The following GRIK2 variants were observed in gnomAD, a reference collection of about 807,000 sequenced individuals.
GRIK2 encodes glutamate ionotropic receptor kainate type subunit 2, also known as glutamate receptor ionotropic, kainate 2.
Under a neutral mutation model 100.3 loss-of-function variants are expected in GRIK2, and 32 were observed. The observed-to-expected ratio is 0.32, with a 90% CI of 0.24 to 0.43. The LOEUF (loss-of-function observed/expected upper bound fraction) is 0.43, where lower values mean the gene tolerates loss of function less well. Among genes scored for constraint, GRIK2 ranks in the 20% least tolerant of loss-of-function variants. The probability of loss-of-function intolerance (pLI) is 1.00; values close to 1 mark genes in which losing one functional copy is unlikely to be tolerated. For synonymous variants in GRIK2, 417 were observed against 389.4 expected (o/e 1.07, Z -0.83); for missense variants, 843 against 1,114.9 (o/e 0.76, Z 3.47).
At chr6:101,873,107 A>G (rs1270371391) in intron 11 of GRIK2, among the ~76,000 whole-genome samples, 1 of 151,674 alleles carries the variant, frequency 6.6e-6, no homozygotes, top group Non-Finnish European at 1.5e-5. Flanking sequence ...AATTTTTTTT[A>G]AATTATACAT....
chr6:101,934,999 A>T (rs1790528824), intron 14 of GRIK2, among the ~76,000 whole-genome samples: 1 of 151,962 alleles, frequency 6.6e-6, no homozygotes, highest in African/African-American at 2.4e-5. Flanking sequence ...TTATTCTTTA[A>T]ATGTTTTTCA....
chr6:101,497,432 GA>G (rs1196747107), intron 2 of GRIK2, among the ~76,000 whole-genome samples: 1 of 152,072 alleles, frequency 6.6e-6, no homozygotes, highest in Non-Finnish European at 1.5e-5. Flanking sequence ...GAATGAGTCA[GA>G]AATATATACA....
At chr6:101,687,770 T>C (rs1771800970) in intron 7 of GRIK2, among the ~76,000 whole-genome samples, 1 of 151,812 alleles carries the variant, frequency 6.6e-6, no homozygotes, top group Non-Finnish European at 1.5e-5. Context: ...TTGTACTTCG[T>C]TGCATAAAGA....
chr6:101,536,508 C>A (rs779600621), intron 2 of GRIK2, among the ~76,000 whole-genome samples: 20 of 151,720 alleles, frequency 1.3e-4, no homozygotes, highest in Non-Finnish European at 2.5e-4. Context: ...ACAAGGATTA[C>A]ATTTCTTTGA....
At chr6:101,988,150 C>G (rs1185379434) in intron 14 of GRIK2, among the ~76,000 whole-genome samples, 1 of 8,414 alleles carries the variant, frequency 1.2e-4, no homozygotes, top group Non-Finnish European at 3.0e-4. Flanking sequence ...CGCGCGCGCG[C>G]GCGCGTGCGC....
intron 2 of GRIK2, among the ~76,000 whole-genome samples, chr6:101,401,455 T>C (rs1775302117): frequency 6.6e-6 from 1 of 152,112 alleles, no homozygotes; most frequent in Non-Finnish European, 1.5e-5. Flanking sequence ...AAAAATGTCT[T>C]TAAGAAATAC....
At chr6:101,836,887 A>G (rs898167466) in intron 10 of GRIK2, among the ~76,000 whole-genome samples, 36 of 151,800 alleles carry the variant, frequency 2.4e-4, no homozygotes, top group African/African-American at 8.5e-4. Context: ...GCTGGTCTTG[A>G]ACTCCTGACC....
intron 14 of GRIK2, among the ~76,000 whole-genome samples, chr6:102,019,440 T>A (rs903671683): frequency 3.9e-5 from 6 of 152,014 alleles, no homozygotes; most frequent in Non-Finnish European, 8.8e-5. Context: ...AAATTTACTA[T>A]CACAATGGCC....
Position 101,723,598 on chromosome 6 carries a change from G to C in GRIK2, c.951+37245G>C, listed in dbSNP as rs1774643999. 2.6e-5 allele frequency among the ~76,000 whole-genome samples: 4 copies of C among 151,980 alleles called. No individual in the cohort carries two copies. The South Asian group carries it at 8.3e-4, about 31-fold the overall frequency. ...TATAATTATAGGACTATAATTTTAG[G>C]ATTGGAAGGAACCTTATTGATCAGT... On this transcript the variant is annotated intron_variant, in intron 7 of 16. Transcript: ENST00000369134.
chr6:101,632,861 G>C (rs1412894432), intron 4 of GRIK2, among the ~76,000 whole-genome samples: 1 of 151,978 alleles, frequency 6.6e-6, no homozygotes, highest in Non-Finnish European at 1.5e-5. Context: ...GGAGAAGAAG[G>C]GCTCAGGAGA....
At chr6:101,398,134 C>T (rs1427975845) in intron 1 of GRIK2, among the ~76,000 whole-genome samples, 2 of 152,050 alleles carry the variant, frequency 1.3e-5, no homozygotes, top group African/African-American at 4.8e-5. Context: ...CACTCAATGT[C>T]GCTCATGCTA....
chr6:101,963,612 A>G (rs1338853968), intron 14 of GRIK2, among the ~76,000 whole-genome samples: 2 of 145,792 alleles, frequency 1.4e-5, no homozygotes, highest in African/African-American at 5.1e-5. Flanking sequence ...TCGCCCTCCC[A>G]AAGTGCTGGG....
At chr6:102,010,113 G>T (rs1048488783) in intron 14 of GRIK2, among the ~76,000 whole-genome samples, 1 of 151,942 alleles carries the variant, frequency 6.6e-6, no homozygotes, top group African/African-American at 2.4e-5. Flanking sequence ...ACACACATGC[G>T]CAATCTCTCC....
intron 2 of GRIK2, among the ~76,000 whole-genome samples, chr6:101,616,951 C>T (rs1442192587): frequency 6.6e-6 from 1 of 151,314 alleles, no homozygotes; most frequent in Non-Finnish European, 1.5e-5. Context: ...TTTTCAGTAG[C>T]TAGTTTTTTT....
intron 14 of GRIK2, among the ~76,000 whole-genome samples, chr6:101,951,513 G>T (rs1405207127): frequency 6.6e-6 from 1 of 152,194 alleles, no homozygotes; most frequent in Admixed American, 6.5e-5. Context: ...TTCATATGCA[G>T]CTGTAAGAAA....
chr6:101,887,751 G>T (rs1489897184), intron 11 of GRIK2, among the ~76,000 whole-genome samples: 1 of 151,970 alleles, frequency 6.6e-6, no homozygotes, highest in Non-Finnish European at 1.5e-5. Flanking sequence ...AGGGAGAAGT[G>T]CTACACACTT....
chr6:101,924,005 A>G (rs1319129841), intron 12 of GRIK2, among the ~76,000 whole-genome samples: 1 of 151,542 alleles, frequency 6.6e-6, no homozygotes, highest in Non-Finnish European at 1.5e-5. Context: ...GAAACCTATA[A>G]TAATGTCAGA....
At chr6:102,020,471 C>A (rs1769367760) in intron 14 of GRIK2, among the ~76,000 whole-genome samples, 1 of 151,752 alleles carries the variant, frequency 6.6e-6, no homozygotes, top group African/African-American at 2.4e-5. Flanking sequence ...GAGATTCTAG[C>A]TAAACCATCC....
chr6:101,861,187 T>C (rs1319981580), intron 11 of GRIK2, among the ~76,000 whole-genome samples: 1 of 152,190 alleles, frequency 6.6e-6, no homozygotes, highest in African/African-American at 2.4e-5. Flanking sequence ...AGGAATTTTC[T>C]AACACAGCGT....
Sources: allele counts gnomAD v4.1 joint callset (sites outside exome capture counted in the v4.1 genomes callset), GRCh38; gene constraint gnomAD v4.1.1; transcripts MANE v1.5; gene names NCBI Gene and HGNC (gene_info 2026-07-23, HGNC 2026-07-21).